Variants in MAP4 observed in about 807,000 individuals in gnomAD.
MAP4 encodes microtubule-associated protein 4.
Under a neutral mutation model 170.2 loss-of-function variants are expected in MAP4, and 76 were observed. The ratio of observed to expected loss-of-function variants is 0.45; its 90% CI spans 0.37 to 0.54. The LOEUF (loss-of-function observed/expected upper bound fraction) is 0.54, where lower values mean the gene tolerates loss of function less well. Ranked by LOEUF, MAP4 falls within the 20% of genes least tolerant of loss-of-function variation. The pLI is 0.00. For missense variants in MAP4, 2,506 were observed against 2,748.0 expected (o/e 0.91, Z 1.97); for synonymous variants, 909 against 994.5 (o/e 0.91, Z 1.62).
intron 1 of MAP4, among the ~76,000 whole-genome samples, chr3:48,055,440 G>A (rs1241490702): frequency 1.3e-5 from 2 of 151,344 alleles, no homozygotes; most frequent in African/African-American, 2.4e-5. Context: ...CCCTAACCGC[G>A]AGTGATCCGC....
chr3:47,949,675 C>T (rs888633458), intron 3 of MAP4, among the ~76,000 whole-genome samples: 2 of 152,120 alleles, frequency 1.3e-5, no homozygotes, highest in Non-Finnish European at 2.9e-5. Context: ...TATTGCCTTT[C>T]AGTTCCAAAT....
intron 1 of MAP4, among the ~76,000 whole-genome samples, chr3:48,055,182 C>CTCCGTCTCCGTCTCCGTCTCCG (rs1559867024): frequency 3.4e-4 from 28 of 82,264 alleles, no homozygotes; most frequent in African/African-American, 1.5e-3. Flanking sequence ...AAAAGTCTCC[C>CTCCGTCTCCGTCTCCGTCTCCG]TCTCCCTCTC....
At position 47,877,949 on chromosome 3, in the gene MAP4, C is replaced by A. The variant is rs1168337302; in HGVS notation, c.5435-426G>T. Reference sequence around the variant, plus strand: ...AGCCAGAAGATCATTCAATGACTCCCTTTCCTTCCTTTCCCTATAAAGAAC... The same window carrying A: ...AGCCAGAAGATCATTCAATGACTCCATTTCCTTCCTTTCCCTATAAAGAAC... On this transcript the variant is annotated intron_variant, in intron 10 of 20. Coordinates refer to ENST00000683076, the MANE Select transcript of MAP4 (RefSeq NM_001385682.1). Among the ~76,000 whole-genome samples, 4 of 152,196 alleles carry A rather than the reference C, an allele frequency of 2.6e-5. No individual in the cohort carries two copies. The East Asian group carries it at 7.7e-4, about 29-fold the overall frequency.
chr3:47,942,335 G>A (rs2100057047), intron 3 of MAP4, among the ~76,000 whole-genome samples: 1 of 152,050 alleles, frequency 6.6e-6, no homozygotes, highest in South Asian at 2.1e-4. Flanking sequence ...GTCTGAATGT[G>A]GTATTTTCAT....
intron 10 of MAP4, among the ~76,000 whole-genome samples, chr3:47,884,628 T>C (rs776639867): frequency 6.6e-6 from 1 of 152,160 alleles, no homozygotes; most frequent in Non-Finnish European, 1.5e-5. Flanking sequence ...GGGACTTACC[T>C]GTGTCACCCA....
intron 10 of MAP4, among the ~76,000 whole-genome samples, chr3:47,897,195 C>T (rs1422199316): frequency 3.9e-5 from 6 of 152,134 alleles, no homozygotes; most frequent in African/African-American, 9.7e-5. Flanking sequence ...GGCATGATCT[C>T]GGCTAACTAC....
chr3:47,952,203 C>A (rs545081199), intron 3 of MAP4, among the ~76,000 whole-genome samples: 129 of 151,968 alleles, frequency 8.5e-4, no homozygotes, highest in African/African-American at 3.0e-3. Context: ...GCAGCCACCC[C>A]GTCTGGGAAG....
At chr3:47,988,118 C>T (rs956760491) in intron 2 of MAP4, among the ~76,000 whole-genome samples, 3 of 150,946 alleles carry the variant, frequency 2.0e-5, no homozygotes, top group East Asian at 3.9e-4. Flanking sequence ...GGCGTGAACC[C>T]GGGAGGCGGA....
chr3:48,024,040 A>G (rs1247922774), intron 1 of MAP4, among the ~76,000 whole-genome samples: 1 of 152,222 alleles, frequency 6.6e-6, no homozygotes, highest in Non-Finnish European at 1.5e-5. Flanking sequence ...GGCCAGGTGC[A>G]GTGGCTCACG....
At chr3:47,863,262 C>T (rs1025879311) in intron 17 of MAP4, among the ~76,000 whole-genome samples, 3 of 152,228 alleles carry the variant, frequency 2.0e-5, no homozygotes, top group East Asian at 1.9e-4. Flanking sequence ...AGGCATGAGC[C>T]GCTGTGCCCA....
intron 1 of MAP4, among the ~76,000 whole-genome samples, chr3:48,012,552 T>C (rs1209324364): frequency 6.6e-6 from 1 of 152,142 alleles, no homozygotes; most frequent in Non-Finnish European, 1.5e-5. Context: ...AAAAATACAG[T>C]CAAAAACACC....
chr3:48,057,860 T>C (rs1325348218), intron 1 of MAP4, among the ~76,000 whole-genome samples: 3 of 152,152 alleles, frequency 2.0e-5, no homozygotes, highest in Admixed American at 6.5e-5. Flanking sequence ...TGTATTATTG[T>C]TTCTTACAAT....
intron 3 of MAP4, among the ~76,000 whole-genome samples, chr3:47,930,126 G>C (rs917948826): frequency 1.3e-5 from 2 of 151,562 alleles, no homozygotes; most frequent in East Asian, 2.0e-4. Context: ...GTGAGACTGC[G>C]TCTCAAAAAA....
chr3:47,907,304 T>A (rs1344724644), intron 9 of MAP4, among the ~76,000 whole-genome samples: 1 of 152,222 alleles, frequency 6.6e-6, no homozygotes, highest in Non-Finnish European at 1.5e-5. Context: ...GAACACTGGT[T>A]GCTCTGGAGA....
At position 47,917,095 on chromosome 3, in the gene MAP4, T is replaced by A; in HGVS notation, c.732A>T (p.Gly244=). Reference sequence around the variant, plus strand: ...ATGGTGCCATGTCAGTAGTCTTCAGTCCCATCATTATTTCCAATGCTTGTG... The same window carrying A: ...ATGGTGCCATGTCAGTAGTCTTCAGACCCATCATTATTTCCAATGCTTGTG... The part of the protein sequence containing the change: ...PPAQALEIMM[G]LKTTDMAPSK... The change falls in exon 7 of 21, where the codon GGA becomes GGT. Residue 244 remains glycine, a synonymous_variant. Coordinates refer to ENST00000683076, the MANE Select transcript of MAP4 (RefSeq NM_001385682.1). 1 of 1,614,146 alleles carries A rather than the reference T, an allele frequency of 6.2e-7. No individual in the cohort carries two copies. The highest frequency in any genetic ancestry group is 8.5e-7 in the Non-Finnish European group (1 of 1,179,952).
chr3:48,050,299 G>A (rs995622254), intron 1 of MAP4, among the ~76,000 whole-genome samples: 14 of 150,744 alleles, frequency 9.3e-5, no homozygotes, highest in Non-Finnish European at 1.9e-4. Flanking sequence ...GGCAAATAAC[G>A]GAGTAGAAGA....
chr3:48,063,632 A>G (rs572775655), intron 1 of MAP4, among the ~76,000 whole-genome samples: 21 of 152,252 alleles, frequency 1.4e-4, no homozygotes, highest in Non-Finnish European at 2.4e-4. Flanking sequence ...AGCAAATTGT[A>G]GTGTACCCAG....
chr3:47,939,292 A>G (rs2100054874), intron 3 of MAP4, among the ~76,000 whole-genome samples: 1 of 152,098 alleles, frequency 6.6e-6, no homozygotes, highest in African/African-American at 2.4e-5. Context: ...AAAAAATTAA[A>G]AAGCCTTTAA....
intron 17 of MAP4, among the ~76,000 whole-genome samples, chr3:47,858,628 G>GCGT (rs2060653665): frequency 6.7e-6 from 1 of 149,412 alleles, no homozygotes; most frequent in South Asian, 2.1e-4. Context: ...CGTTGTGTGT[G>GCGT]TGTGTGTGTG....
Sources: allele counts gnomAD v4.1 joint callset (sites outside exome capture counted in the v4.1 genomes callset), GRCh38; gene constraint gnomAD v4.1.1; transcripts MANE v1.5; gene names NCBI Gene and HGNC (gene_info 2026-07-23, HGNC 2026-07-21).